The following ARHGAP6 variants were observed in gnomAD, a reference collection of about 807,000 sequenced individuals.
ARHGAP6 encodes rho GTPase-activating protein 6.
In ARHGAP6, 16 loss-of-function variants were observed where a neutral mutation model predicts 55.7. The observed-to-expected ratio is 0.29, with a 90% CI of 0.19 to 0.44. The LOEUF is 0.44. Among genes scored for constraint, ARHGAP6 ranks in the 20% least tolerant of loss-of-function variants. The pLI is 1.00. For synonymous variants in ARHGAP6, 382 were observed against 360.9 expected, an observed-to-expected ratio of 1.06 and a Z score of -0.66; for missense variants, 698 against 808.9, an observed-to-expected ratio of 0.86 and a Z score of 1.66.
At chrX:11,543,162 A>G (rs2051176836) in intron 1 of ARHGAP6, among the ~76,000 whole-genome samples, 1 of 112,361 alleles carries the variant, frequency 8.9e-6, no homozygotes, top group African/African-American at 3.2e-5. Flanking sequence ...TTTAGGAGAG[A>G]AGGAAATTTA....
At chrX:11,555,030 T>C (rs1312822886) in intron 1 of ARHGAP6, among the ~76,000 whole-genome samples, 2 of 112,139 alleles carry the variant, frequency 1.8e-5, no homozygotes, top group African/African-American at 6.5e-5. Context: ...ACACATCTGA[T>C]AGGATCTCTG....
intron 8 of ARHGAP6, among the ~76,000 whole-genome samples, chrX:11,177,736 A>G (rs969452518): frequency 4.5e-5 from 5 of 112,145 alleles, no homozygotes; most frequent in Non-Finnish European, 9.4e-5. Flanking sequence ...AAAATCAATT[A>G]TAAGGATAAC....
At chrX:11,496,191 TAA>T (rs1347660564) in intron 1 of ARHGAP6, among the ~76,000 whole-genome samples, 1 of 112,571 alleles carries the variant, frequency 8.9e-6, no homozygotes, top group Non-Finnish European at 1.9e-5. Context: ...CTTAAGCCAC[TAA>T]GTTAGTGATA....
intron 2 of ARHGAP6, chrX:11,224,347 T>C (rs1471660886): frequency 1.9e-6 from 1 of 521,697 alleles, no homozygotes; most frequent in Non-Finnish European, 2.5e-6. Context: ...ATTGTTGGTA[T>C]CAGGCTTAGC....
At chrX:11,627,100 G>A (rs1271272574) in intron 1 of ARHGAP6, among the ~76,000 whole-genome samples, 2 of 111,650 alleles carry the variant, frequency 1.8e-5, no homozygotes, top group African/African-American at 6.5e-5. Flanking sequence ...AGGAATACAT[G>A]CAAGAAAATT....
chrX:11,514,161 CAAAAAAAA>C (rs1156613318), intron 1 of ARHGAP6, among the ~76,000 whole-genome samples: 1 of 35,778 alleles, frequency 2.8e-5, no homozygotes. Context: ...AACCCTGTCT[CAAAAAAAA>C]AAAAAAAAAA....
At position 11,569,762 on chromosome X, in the gene ARHGAP6, A is replaced by G. The variant is rs906201482; in HGVS notation, c.588+94479T>C. 3.6e-5 allele frequency among the ~76,000 whole-genome samples: 4 copies of G among 111,331 alleles called. No homozygotes were observed. The East Asian group carries it at 1.1e-3, about 31-fold the overall frequency. ...TCCTTCTGACACCTCTGTCCTTCAC[A>G]CTTCTTCGCTCAAATATTTCTGCTT... On this transcript the variant is annotated intron_variant, in intron 1 of 12. Transcript: ENST00000337414.
chrX:11,339,882 C>T (rs773805517), intron 1 of ARHGAP6, among the ~76,000 whole-genome samples: 2 of 112,105 alleles, frequency 1.8e-5, no homozygotes, highest in South Asian at 7.5e-4. Flanking sequence ...TAGCATCACC[C>T]ACCCAGTTGC....
chrX:11,537,740 A>G (rs1472343871), intron 1 of ARHGAP6, among the ~76,000 whole-genome samples: 3 of 111,833 alleles, frequency 2.7e-5, no homozygotes, highest in Non-Finnish European at 5.6e-5. Flanking sequence ...AGTTTTATCT[A>G]TTGCTATTTA....
chrX:11,300,864 T>C (rs2048165611), intron 1 of ARHGAP6: 1 of 274,364 alleles, frequency 3.6e-6, no homozygotes, highest in Non-Finnish European at 6.6e-6. Context: ...CATTTAGTCA[T>C]ACAAATTCAC....
intron 1 of ARHGAP6, among the ~76,000 whole-genome samples, chrX:11,464,514 C>T (rs17321482): frequency 0.09 from 10,065 of 111,922 alleles, 444 homozygotes; most frequent in Non-Finnish European, 0.14. Context: ...ACAGGATGTT[C>T]CTGCCTGTTT....
intron 1 of ARHGAP6, among the ~76,000 whole-genome samples, chrX:11,391,794 T>C (rs1297616243): frequency 8.9e-6 from 1 of 112,730 alleles, no homozygotes; most frequent in Non-Finnish European, 1.9e-5. Flanking sequence ...TTAACTTTCA[T>C]GTAGATTGCC....
intron 1 of ARHGAP6, among the ~76,000 whole-genome samples, chrX:11,312,482 T>C (rs946540565): frequency 8.9e-6 from 1 of 111,921 alleles, no homozygotes; most frequent in African/African-American, 3.2e-5. Flanking sequence ...TTTATGGAGC[T>C]GACTATCCAG....
At chrX:11,411,183 TTATATATATATATATATA>T (rs201875323) in intron 1 of ARHGAP6, among the ~76,000 whole-genome samples, 2,363 of 31,811 alleles carry the variant, frequency 0.074, 181 homozygotes, top group African/African-American at 0.22. Context: ...CAGACATTAT[TTATATATATATATATATA>T]TATATATATA....
At chrX:11,312,249 A>G (rs974166079) in intron 1 of ARHGAP6, among the ~76,000 whole-genome samples, 2 of 112,140 alleles carry the variant, frequency 1.8e-5, no homozygotes, top group African/African-American at 6.5e-5. Context: ...TCAGAGTCAG[A>G]AATGTTAATG....
intron 1 of ARHGAP6, among the ~76,000 whole-genome samples, chrX:11,550,622 T>C (rs898869135): frequency 3.6e-5 from 4 of 111,869 alleles, no homozygotes; most frequent in Non-Finnish European, 5.6e-5. Context: ...AAGATGTCAG[T>C]CTGAAGAATG....
At chrX:11,168,674 G>A (rs767614912) in intron 9 of ARHGAP6, among the ~76,000 whole-genome samples, 11 of 112,086 alleles carry the variant, frequency 9.8e-5, no homozygotes, top group South Asian at 3.8e-4. Flanking sequence ...GCTTTATAGC[G>A]TTTGCAAATT....
At chrX:11,520,169 A>ATAT (rs1470837214) in intron 1 of ARHGAP6, among the ~76,000 whole-genome samples, 3 of 77,023 alleles carry the variant, frequency 3.9e-5, no homozygotes, top group Non-Finnish European at 7.5e-5. Context: ...ATATATATAT[A>ATAT]TATATATATT....
intron 1 of ARHGAP6, among the ~76,000 whole-genome samples, chrX:11,564,363 A>G (rs1449851770): frequency 9.0e-6 from 1 of 111,367 alleles, no homozygotes; most frequent in Non-Finnish European, 1.9e-5. Context: ...TAAAAGTATT[A>G]ATAAGGTATT....
Sources: allele counts gnomAD v4.1 joint callset (sites outside exome capture counted in the v4.1 genomes callset), GRCh38; gene constraint gnomAD v4.1.1; transcripts MANE v1.5; gene names NCBI Gene and HGNC (gene_info 2026-07-23, HGNC 2026-07-21).